BANP: variants seen among roughly 807,000 people sequenced by gnomAD.
BANP encodes the protein protein BANP.
In BANP, 11 loss-of-function variants were observed where a neutral mutation model predicts 68.1. The ratio of observed to expected loss-of-function variants is 0.16; its 90% CI spans 0.10 to 0.27. The LOEUF is 0.27. BANP is among the 10% of genes least tolerant of loss of function. The probability of loss-of-function intolerance (pLI) is 1.00; values close to 1 mark genes in which losing one functional copy is unlikely to be tolerated. For missense variants in BANP, 504 were observed against 722.7 expected (o/e 0.70, Z 3.47); for synonymous variants, 329 against 303.2 (o/e 1.09, Z -0.88).
At chr16:88,021,223 T>G (rs1427295803) in intron 7 of BANP, among the ~76,000 whole-genome samples, 1 of 152,170 alleles carries the variant, frequency 6.6e-6, no homozygotes, top group East Asian at 1.9e-4. Flanking sequence ...ACCTCATGGC[T>G]TGGGGCCCAC....
At chr16:87,950,331 C>A (rs1298853444), upstream of BANP, 1 of 152,162 alleles carries the variant, frequency 6.6e-6, no homozygotes, top group Non-Finnish European at 1.5e-5. Context: ...GGGAGATAAC[C>A]AGGAATGACA....
rs536952308 is a variant in BANP at position 87,957,143 on chromosome 16, C to A, written c.-69+5628C>A. 1 of 152,224 alleles carries A rather than the reference C, an allele frequency of 6.6e-6. No homozygotes were observed. Among genetic ancestry groups the A allele is most frequent in the Non-Finnish European group, 1.5e-5 (1 of 68,058 alleles). The allele number at this position is 152,224 out of a possible 1,614,324, so 9.4% of individuals were successfully genotyped here. On this transcript the variant is annotated intron_variant, in intron 1 of 13. Transcript: ENST00000682872. The surrounding 1 kb of genome is among the most constrained non-coding windows in gnomAD (Gnocchi z 4.3). ...TTGATTAAACATTCTGGATCGTCAGCGTTCACGGTGGAGCAGACTCCACGA... is the reference window on the plus strand; with the variant it reads ...TTGATTAAACATTCTGGATCGTCAGAGTTCACGGTGGAGCAGACTCCACGA...
At chr16:88,046,215 C>T (rs1009941404) in intron 11 of BANP, among the ~76,000 whole-genome samples, 4 of 152,174 alleles carry the variant, frequency 2.6e-5, no homozygotes, top group African/African-American at 9.7e-5. Context: ...TCACTTCTGC[C>T]TTTTGCATGT....
chr16:88,043,446 G>T (rs1437559035), intron 11 of BANP, among the ~76,000 whole-genome samples: 1 of 152,142 alleles, frequency 6.6e-6, no homozygotes, highest in African/African-American at 2.4e-5. Context: ...TGAGGCATCC[G>T]GGCAGCATTT....
At chr16:87,974,952 G>A (rs1051488549) in intron 1 of BANP, 96 bp from the exon 2 acceptor site, 28 of 608,068 alleles carry the variant, frequency 4.6e-5, no homozygotes, top group Non-Finnish European at 7.1e-5. Context: ...AGACGTTCGC[G>A]GCCTCTTGCA....
chr16:88,061,974 T>G (rs1253614554), intron 11 of BANP, among the ~76,000 whole-genome samples: 1 of 152,218 alleles, frequency 6.6e-6, no homozygotes, highest in Non-Finnish European at 1.5e-5. Context: ...ACCTCATTTT[T>G]CTAGTATGAG....
intron 1 of BANP, among the ~76,000 whole-genome samples, chr16:87,962,906 A>G (rs1171231599): frequency 6.6e-6 from 1 of 152,232 alleles, no homozygotes; most frequent in Non-Finnish European, 1.5e-5. Flanking sequence ...TCAGTTTAAT[A>G]AAAGTTGACT....
At chr16:88,011,264 A>G (rs1297362979) in intron 6 of BANP, among the ~76,000 whole-genome samples, 2 of 152,006 alleles carry the variant, frequency 1.3e-5, no homozygotes, top group Non-Finnish European at 2.9e-5. Flanking sequence ...AGCAGTCAGG[A>G]GTTCACCCAG....
At chr16:88,016,047 A>AG (rs2074479031) in intron 6 of BANP, among the ~76,000 whole-genome samples, 1 of 152,202 alleles carries the variant, frequency 6.6e-6, no homozygotes, top group Admixed American at 6.5e-5. Flanking sequence ...GCCAGCCACC[A>AG]GGGGCCACAA....
chr16:88,024,838 A>T (rs1273864286), intron 7 of BANP, among the ~76,000 whole-genome samples: 1 of 152,228 alleles, frequency 6.6e-6, no homozygotes, highest in Non-Finnish European at 1.5e-5. Context: ...TATATTTTTT[A>T]TTTAATAAGT....
chr16:87,973,256 G>C (rs1234662107), intron 1 of BANP, among the ~76,000 whole-genome samples: 3 of 129,728 alleles, frequency 2.3e-5, no homozygotes, highest in South Asian at 2.2e-4. Flanking sequence ...TTTGTCATCA[G>C]CTCTTTTTTT....
rs551413370 is a variant in BANP at position 88,024,068 on chromosome 16, G to T, written c.896-3415G>T. Reference sequence around the variant, plus strand: ...TTGTGTCCTGGGCGCTGCTGCAGGGGAGACTTCTGCCTCGATTGAAGTCCG... The same window carrying T: ...TTGTGTCCTGGGCGCTGCTGCAGGGTAGACTTCTGCCTCGATTGAAGTCCG... On this transcript the variant is annotated intron_variant, in intron 7 of 13. Coordinates refer to ENST00000682872, the MANE Select transcript of BANP (RefSeq NM_001386991.1). 7.2e-5 allele frequency among the ~76,000 whole-genome samples: 11 copies of T among 152,340 alleles called. 1 individual carries two copies. The South Asian group carries it at 2.3e-3, about 32-fold the overall frequency.
At chr16:88,048,140 A>G (rs1203260223) in intron 11 of BANP, among the ~76,000 whole-genome samples, 1 of 152,252 alleles carries the variant, frequency 6.6e-6, no homozygotes, top group Non-Finnish European at 1.5e-5. Context: ...AAATATGAGT[A>G]GAATTTTGGT....
chr16:87,996,424 T>C (rs2152518705), intron 4 of BANP, among the ~76,000 whole-genome samples: 1 of 151,936 alleles, frequency 6.6e-6, no homozygotes, highest in South Asian at 2.1e-4. Context: ...AGCTGGGCTC[T>C]GGTTCTGAGT....
At position 88,072,566 on chromosome 16, in the gene BANP, C is replaced by G. The variant is rs1053703322; in HGVS notation, c.1521+354C>G. 1.1e-4 allele frequency among the ~76,000 whole-genome samples: 16 copies of G among 152,350 alleles called. 1 individual carries two copies. The highest frequency in any genetic ancestry group is 9.8e-4 in the Admixed American group (15 of 15,306). On this transcript the variant is annotated intron_variant, in intron 13 of 13. Transcript: ENST00000682872. ...TTTAGCCGGAGAGCTCCCTGCCCCA[C>G]TCGTTGAAGGTCTCAGCTCGGGGCA...
chr16:87,959,578 G>A (rs925860141), intron 1 of BANP, among the ~76,000 whole-genome samples: 6 of 152,240 alleles, frequency 3.9e-5, no homozygotes, highest in African/African-American at 1.2e-4. Context: ...AACAGCGCTG[G>A]CGTCAGCCAC....
In BANP at chr16:88,006,200, G is replaced by C. The variant is rs1373294894; in HGVS notation, c.590G>C (p.Ser197Thr). The change falls in exon 6 of 14, where the codon AGC becomes ACC. Residue 197 changes from serine (S) to threonine (T), a missense_variant. Physicochemically the swap from Ser to Thr is moderately conservative, Grantham distance 58. This residue lies in a region of BANP where 238 missense variants were observed against 278.9 expected (regional missense o/e 0.85). Transcript: ENST00000682872. Reference protein sequence around the residue: ...SGSEASDSVSSCGQAGSQSIG... With the variant: ...SGSEASDSVSTCGQAGSQSIG... ...TCGGAGGCCAGCGACTCTGTGTCCA[G>C]CTGTGGGCAGGCGGGCAGTCAGAGC... is the stretch of plus-strand genomic sequence containing the variant. 1.2e-6 allele frequency: 2 copies of C among 1,613,700 alleles called. No homozygotes were observed. The highest frequency in any genetic ancestry group is 1.7e-6 in the Non-Finnish European group (2 of 1,179,866).
In BANP at chr16:87,957,445, A is replaced by C. The variant is rs4843747; in HGVS notation, c.-69+5930A>C. ...CACATTCTGTCGTGGTTGAGACCGG[A>C]TCCTGTGTGGACCGGGTGGGCTGGT... On this transcript the variant is annotated intron_variant, in intron 1 of 13. Transcript: ENST00000682872. This position sits in a 1 kb window ranked among gnomAD's most constrained non-coding sequence, Gnocchi z 4.3. 0.83 allele frequency among the ~76,000 whole-genome samples: 125,794 copies of C among 152,208 alleles called. 52,550 individuals carry two copies. The highest frequency in any genetic ancestry group is 0.95 in the African/African-American group (39,410 of 41,560).
At chr16:88,022,943 A>G (rs1430591441) in intron 7 of BANP, among the ~76,000 whole-genome samples, 1 of 152,350 alleles carries the variant, frequency 6.6e-6, no homozygotes, top group East Asian at 1.9e-4. Context: ...CAGTCAGGTC[A>G]CATTCTGGGG....
Sources: allele counts gnomAD v4.1 joint callset (sites outside exome capture counted in the v4.1 genomes callset), GRCh38; gene constraint gnomAD v4.1.1; regional missense constraint gnomAD v4.1.1; non-coding constraint Gnocchi (gnomAD v3.1); transcripts MANE v1.5; gene names NCBI Gene and HGNC (gene_info 2026-07-23, HGNC 2026-07-21).